Variants in AGBL1 observed in about 807,000 individuals in gnomAD.
The protein encoded by AGBL1 is AGBL carboxypeptidase 1, also known as cytosolic carboxypeptidase 4.
A neutral mutation model predicts 118.9 loss-of-function variants in AGBL1; 130 were observed. That is an observed-to-expected ratio of 1.09 (90% CI 0.95 to 1.26). The LOEUF is 1.26. Among genes scored for constraint, AGBL1 ranks in the 50% most tolerant of loss-of-function variants. The probability of loss-of-function intolerance (pLI) is 0.00; values close to 1 mark genes in which losing one functional copy is unlikely to be tolerated. For synonymous variants in AGBL1, 555 were observed against 478.9 expected, an observed-to-expected ratio of 1.16 and a Z score of -2.08; for missense variants, 1,584 against 1,298.1, an observed-to-expected ratio of 1.22 and a Z score of -3.38.
chr15:86,335,202 G>A (rs2080345286), intron 17 of AGBL1, among the ~76,000 whole-genome samples: 1 of 151,696 alleles, frequency 6.6e-6, no homozygotes, highest in Admixed American at 6.6e-5. Context: ...GTAGTGGCGT[G>A]ATCTCGGCTC....
intron 21 of AGBL1, among the ~76,000 whole-genome samples, chr15:86,597,143 C>CCATCCATA (rs2084421724): frequency 6.6e-6 from 1 of 151,688 alleles, no homozygotes; most frequent in African/African-American, 2.4e-5. Flanking sequence ...ATCCATCCAT[C>CCATCCATA]CATCCATCCA....
chr15:86,239,827 C>A (rs1175140973), intron 6 of AGBL1, among the ~76,000 whole-genome samples: 1 of 152,120 alleles, frequency 6.6e-6, no homozygotes, highest in African/African-American at 2.4e-5. Flanking sequence ...GTGGTAAGAA[C>A]TAAAAGTCTT....
intron 17 of AGBL1, among the ~76,000 whole-genome samples, chr15:86,371,469 TG>T (rs1264161360): frequency 1.3e-5 from 2 of 152,204 alleles, no homozygotes; most frequent in African/African-American, 4.8e-5. Flanking sequence ...ATATATCATA[TG>T]TTTTTATTAT....
intron 21 of AGBL1, among the ~76,000 whole-genome samples, chr15:86,573,752 G>C (rs747298193): frequency 6.6e-6 from 1 of 152,084 alleles, no homozygotes; most frequent in Admixed American, 6.6e-5. Flanking sequence ...TTTCTATGAA[G>C]CTTATAATTA....
chr15:86,635,695 G>T (rs1185243713), intron 21 of AGBL1, among the ~76,000 whole-genome samples: 3 of 151,946 alleles, frequency 2.0e-5, no homozygotes, highest in Admixed American at 1.3e-4. Flanking sequence ...ATAAGAAAAA[G>T]ATTACATATT....
At chr15:86,511,724 G>A (rs113367933) in intron 18 of AGBL1, among the ~76,000 whole-genome samples, 3,660 of 152,076 alleles carry the variant, frequency 0.024, 74 homozygotes, top group Middle Eastern at 0.071. Context: ...GAACTATAAT[G>A]GTGGTGATGA....
At chr15:86,210,900 T>C (rs931580773) in intron 5 of AGBL1, among the ~76,000 whole-genome samples, 3 of 152,240 alleles carry the variant, frequency 2.0e-5, no homozygotes, top group Non-Finnish European at 4.4e-5. Flanking sequence ...AAAGGCACTC[T>C]GGTTTTTAGA....
chr15:86,870,752 T>C (rs954006058), intron 22 of AGBL1, among the ~76,000 whole-genome samples: 1 of 152,198 alleles, frequency 6.6e-6, no homozygotes, highest in Non-Finnish European at 1.5e-5. Flanking sequence ...CCCTGATTTC[T>C]TTCAGGATAA....
chr15:86,826,717 C>T (rs942744415), intron 22 of AGBL1, among the ~76,000 whole-genome samples: 1 of 152,060 alleles, frequency 6.6e-6, no homozygotes, highest in Admixed American at 6.6e-5. Flanking sequence ...AAGAAATGCA[C>T]TGGGGATAAG....
chr15:86,264,957 G>C, intron 11 of AGBL1, 119 bp downstream of exon 11: 1 of 1,015,880 alleles, frequency 9.8e-7, no homozygotes, highest in Non-Finnish European at 1.4e-6. Flanking sequence ...TCAGGAACAT[G>C]TCAAAGCCTG....
At chr15:86,092,210 C>T (rs1346934111) in intron 1 of AGBL1, among the ~76,000 whole-genome samples, 1 of 152,162 alleles carries the variant, frequency 6.6e-6, no homozygotes, top group Non-Finnish European at 1.5e-5. Context: ...CATACACATG[C>T]ACTTAAACCA....
chr15:86,593,527 C>G (rs148397979), intron 21 of AGBL1, among the ~76,000 whole-genome samples: 1,645 of 152,184 alleles, frequency 0.011, 14 homozygotes, highest in Middle Eastern at 0.017. Flanking sequence ...AATTGAGAAA[C>G]CTGGCATGAG....
At chr15:86,218,524 G>A (rs933405545) in intron 5 of AGBL1, among the ~76,000 whole-genome samples, 1 of 152,162 alleles carries the variant, frequency 6.6e-6, no homozygotes, top group African/African-American at 2.4e-5. Flanking sequence ...GGAAAGAGCT[G>A]AAACTTGTTT....
intron 17 of AGBL1, among the ~76,000 whole-genome samples, chr15:86,302,455 G>A (rs776176771): frequency 1.1e-4 from 16 of 152,018 alleles, no homozygotes; most frequent in Non-Finnish European, 2.1e-4. Context: ...ATATGCAGAA[G>A]CAAGGAGACC....
rs1015256317 is a variant in AGBL1, at chr15:86,271,708, T to A, written c.2075+2T>A. ...AGGCCATGAAATATGTTATTACAAG[T>A]AAGTTAGAGCGCTGTTAGCTTCCTT... On this transcript the variant is annotated splice_donor_variant, in intron 15 of 22. Coordinates refer to ENST00000614907, the MANE Select transcript of AGBL1 (RefSeq NM_001386094.1). LOFTEE classifies it high-confidence loss of function. The A allele has an allele frequency of 6.2e-7, 1 of 1,609,992 alleles. No individual in the cohort carries two copies. Among genetic ancestry groups the A allele is most frequent in the Non-Finnish European group, 8.5e-7 (1 of 1,176,280 alleles).
intron 18 of AGBL1, among the ~76,000 whole-genome samples, chr15:86,434,604 G>T (rs2081977324): frequency 6.6e-6 from 1 of 152,172 alleles, no homozygotes. Context: ...TAACATTTAA[G>T]CGCTAAGAAT....
rs570377095 is a variant in AGBL1, at chr15:86,649,823, A to G, written c.2995-24450A>G. On this transcript the variant is annotated intron_variant, in intron 21 of 22. Transcript: ENST00000614907. ...CTATGTGTGGTGTTATATACAATTAATGATTGCATTAATTTTTATTTTTAC... is the reference window on the plus strand; with the variant it reads ...CTATGTGTGGTGTTATATACAATTAGTGATTGCATTAATTTTTATTTTTAC... Among the ~76,000 whole-genome samples, 20 of 151,932 alleles carry G rather than the reference A, an allele frequency of 1.3e-4. No individual in the cohort carries two copies. The East Asian group carries it at 1.9e-3, about 15-fold the overall frequency.
intron 18 of AGBL1, among the ~76,000 whole-genome samples, chr15:86,500,269 C>T (rs573374137): frequency 6.6e-6 from 1 of 151,688 alleles, no homozygotes; most frequent in Non-Finnish European, 1.5e-5. Context: ...CTCATGGCTT[C>T]TTGATAATCA....
intron 18 of AGBL1, among the ~76,000 whole-genome samples, chr15:86,452,830 C>T (rs546736683): frequency 5.9e-5 from 9 of 152,186 alleles, no homozygotes; most frequent in East Asian, 1.9e-4. Flanking sequence ...GCAGTGTCCC[C>T]GAAAGTGACA....
Sources: gnomAD v4.1 joint callset for allele counts (sites outside exome capture counted in the v4.1 genomes callset) on GRCh38, gnomAD v4.1.1 for gene constraint, MANE v1.5 for transcripts, NCBI Gene and HGNC (gene_info 2026-07-23, HGNC 2026-07-21) for gene names.